The following LY96 variants were observed in gnomAD, a reference collection of about 807,000 sequenced individuals.
LY96 encodes the protein myeloid differentiation protein-2.
LY96 carries 18 observed loss-of-function variants against 18.9 expected under a neutral mutation model. That is an observed-to-expected ratio of 0.95 (90% CI 0.66 to 1.41). The LOEUF (loss-of-function observed/expected upper bound fraction) is 1.41, where lower values mean the gene tolerates loss of function less well. LY96 is among the 40% of genes most tolerant of loss of function. The pLI is 0.00. For missense variants in LY96, 175 were observed against 182.4 expected, an observed-to-expected ratio of 0.96 and a Z score of 0.23; for synonymous variants, 66 against 62.6, an observed-to-expected ratio of 1.06 and a Z score of -0.26.
At chr8:74,016,441 C>T (rs1816644023) in intron 3 of LY96, among the ~76,000 whole-genome samples, 2 of 152,216 alleles carry the variant, frequency 1.3e-5, no homozygotes, top group African/African-American at 4.8e-5. Context: ...CAGGGTATAG[C>T]TGAACAAAAG....
At chr8:74,085,932 A>G in the LY96 span, among the ~76,000 whole-genome samples, 12 of 152,284 alleles carry the variant, frequency 7.9e-5, no homozygotes, top group African/African-American at 2.9e-4. Context: ...CAAATTTCAA[A>G]TACATAATAC....
chr8:74,042,110 T>G, the LY96 span, among the ~76,000 whole-genome samples: 1 of 152,130 alleles, frequency 6.6e-6, no homozygotes, highest in Non-Finnish European at 1.5e-5. Flanking sequence ...GAACCTACAC[T>G]GAAATATTGG....
chr8:74,094,089 G>A, the LY96 span, among the ~76,000 whole-genome samples: 2 of 151,704 alleles, frequency 1.3e-5, no homozygotes. Flanking sequence ...CAAGTATATC[G>A]CCGGTCCTTT....
intron 3 of LY96, among the ~76,000 whole-genome samples, chr8:74,013,475 A>G (rs995844444): frequency 1.4e-4 from 21 of 151,952 alleles, no homozygotes; most frequent in Non-Finnish European, 2.9e-4. Flanking sequence ...AAAAATAGAG[A>G]TAAGGTCTCA....
At chr8:74,042,561 T>G in the LY96 span, among the ~76,000 whole-genome samples, 1 of 152,114 alleles carries the variant, frequency 6.6e-6, no homozygotes, top group Non-Finnish European at 1.5e-5. Context: ...AATTCTGCTT[T>G]TTTACACAAG....
chr8:74,011,729 T>C, intron 3 of LY96, among the ~76,000 whole-genome samples: 1 of 151,848 alleles, frequency 6.6e-6, no homozygotes, highest in Non-Finnish European at 1.5e-5. Flanking sequence ...TGTGGTGGCA[T>C]GCGCCTGTAG....
chr8:74,083,290 C>G, the LY96 span, among the ~76,000 whole-genome samples: 1 of 152,148 alleles, frequency 6.6e-6, no homozygotes, highest in Non-Finnish European at 1.5e-5. Context: ...TCTCAGCTCA[C>G]TGCAACCTCC....
chr8:74,042,205 C>A, the LY96 span, among the ~76,000 whole-genome samples: 1 of 152,166 alleles, frequency 6.6e-6, no homozygotes, highest in Non-Finnish European at 1.5e-5. Context: ...TTACTGTGTA[C>A]CTTTCTAGTC....
At chr8:74,005,865 T>TC (rs1319391897) in intron 2 of LY96, among the ~76,000 whole-genome samples, 1 of 152,244 alleles carries the variant, frequency 6.6e-6, no homozygotes, top group Non-Finnish European at 1.5e-5. Context: ...ATCATCATTA[T>TC]CACATAATTT....
At chr8:74,097,225 T>C in the LY96 span, among the ~76,000 whole-genome samples, 1 of 152,150 alleles carries the variant, frequency 6.6e-6, no homozygotes, top group East Asian at 1.9e-4. Flanking sequence ...CTGAGGGTAA[T>C]GTAGTTAAGA....
chr8:74,097,956 A>T, the LY96 span, among the ~76,000 whole-genome samples: 1 of 152,314 alleles, frequency 6.6e-6, no homozygotes, highest in South Asian at 2.1e-4. Context: ...AGTGCCTGGA[A>T]CACAACAAGT....
At chr8:74,052,376 G>C in the LY96 span, 2 of 152,258 alleles carry the variant, frequency 1.3e-5, no homozygotes, top group Non-Finnish European at 2.9e-5. Context: ...GCTTCCCCCA[G>C]TTTAGCCCGT....
chr8:73,993,989 T>TC (rs1238940783), intron 1 of LY96, among the ~76,000 whole-genome samples: 1 of 143,836 alleles, frequency 7.0e-6, no homozygotes, highest in African/African-American at 2.7e-5. Flanking sequence ...GACTTTCTAG[T>TC]TTTTTTTTTT....
At chr8:74,086,846 A>G in the LY96 span, among the ~76,000 whole-genome samples, 1 of 152,204 alleles carries the variant, frequency 6.6e-6, no homozygotes, top group African/African-American at 2.4e-5. Context: ...GGGGCCATCT[A>G]TCAACAAAGA....
the LY96 span, among the ~76,000 whole-genome samples, chr8:74,050,389 A>T: frequency 5.9e-5 from 9 of 151,828 alleles, no homozygotes; most frequent in South Asian, 2.1e-4. Flanking sequence ...TAAAATATTT[A>T]AAAAAAAGAC....
At chr8:74,080,726 G>A in the LY96 span, among the ~76,000 whole-genome samples, 1 of 152,330 alleles carries the variant, frequency 6.6e-6, no homozygotes, top group Non-Finnish European at 1.5e-5. Flanking sequence ...GAATTGCAAA[G>A]GATGGAATTT....
At chr8:74,073,635 T>C in the LY96 span, among the ~76,000 whole-genome samples, 2 of 138,464 alleles carry the variant, frequency 1.4e-5, no homozygotes, top group East Asian at 4.4e-4. Context: ...AAAAAGAGAT[T>C]GATGAATTTA....
At chr8:74,036,310 T>C in the LY96 span, among the ~76,000 whole-genome samples, 1 of 152,226 alleles carries the variant, frequency 6.6e-6, no homozygotes, top group Non-Finnish European at 1.5e-5. Flanking sequence ...ATGTAGTTTC[T>C]GTAATCCCTT....
chr8:74,040,056 G>A, the LY96 span, among the ~76,000 whole-genome samples: 17 of 152,290 alleles, frequency 1.1e-4, no homozygotes, highest in South Asian at 1.5e-3. Context: ...TTATGCGGGC[G>A]TGACAGAAGG....
Sources: allele counts gnomAD v4.1 joint callset (sites outside exome capture counted in the v4.1 genomes callset), GRCh38; gene constraint gnomAD v4.1.1; transcripts MANE v1.5; gene names NCBI Gene and HGNC (gene_info 2026-07-23, HGNC 2026-07-21).